Variants in RELN observed in about 807,000 individuals in gnomAD.
RELN encodes the protein reelin.
A neutral mutation model predicts 427.6 loss-of-function variants in RELN; 108 were observed. The observed-to-expected ratio is 0.25, with a 90% CI of 0.22 to 0.30. The LOEUF (loss-of-function observed/expected upper bound fraction) is 0.30. RELN is among the 10% of genes least tolerant of loss of function. RELN has a pLI of 1.00. For missense variants in RELN, 3,715 were observed against 4,302.8 expected (o/e 0.86, Z 3.82); for synonymous variants, 1,524 against 1,513.4 (o/e 1.01, Z -0.16).
intron 22 of RELN, among the ~76,000 whole-genome samples, chr7:103,610,413 T>C (rs565981478): frequency 6.6e-6 from 1 of 152,278 alleles, no homozygotes; most frequent in African/African-American, 2.4e-5. Flanking sequence ...CATTGAGTTC[T>C]CCCATAAAAA....
intron 7 of RELN, among the ~76,000 whole-genome samples, chr7:103,724,390 G>A (rs529229252): frequency 3.5e-3 from 533 of 152,210 alleles, no homozygotes; most frequent in Admixed American, 5.4e-3. Context: ...ATTCAGTTGG[G>A]ATGTGAATAT....
At chr7:103,955,243 A>G (rs1232678551) in intron 1 of RELN, among the ~76,000 whole-genome samples, 1 of 152,244 alleles carries the variant, frequency 6.6e-6, no homozygotes, top group African/African-American at 2.4e-5. Flanking sequence ...CCAATTTAAT[A>G]AACTGAAACC....
At chr7:103,571,460 T>G (rs1484151563) in intron 31 of RELN, among the ~76,000 whole-genome samples, 2 of 152,152 alleles carry the variant, frequency 1.3e-5, no homozygotes, top group Admixed American at 6.5e-5. Flanking sequence ...TGGAGTTCAG[T>G]GCAAGGAGAG....
At chr7:103,956,557 T>G (rs1298226094) in intron 1 of RELN, among the ~76,000 whole-genome samples, 2 of 152,188 alleles carry the variant, frequency 1.3e-5, no homozygotes, top group Non-Finnish European at 2.9e-5. Flanking sequence ...TTTTCAAAAC[T>G]TTTTAATTAG....
intron 3 of RELN, among the ~76,000 whole-genome samples, chr7:103,808,088 G>A (rs2116330663): frequency 6.6e-6 from 1 of 152,228 alleles, no homozygotes; most frequent in South Asian, 2.1e-4. Flanking sequence ...TCAAGAGGTT[G>A]GAAAGTCTGT....
At chr7:103,770,398 C>T (rs262334) in intron 4 of RELN, among the ~76,000 whole-genome samples, 126,739 of 152,234 alleles carry the variant, frequency 0.83, 53,359 homozygotes, top group African/African-American at 0.95. Context: ...CCAAATCTTA[C>T]AATAACAATT....
At chr7:103,713,962 T>C (rs1337825817) in intron 8 of RELN, among the ~76,000 whole-genome samples, 3 of 152,186 alleles carry the variant, frequency 2.0e-5, no homozygotes, top group Admixed American at 1.3e-4. Flanking sequence ...ACCCACGGCA[T>C]CAAAATGATC....
At position 103,565,337 on chromosome 7, in the gene RELN, G is replaced by A. The variant is rs768432621; in HGVS notation, c.5151C>T (p.Tyr1717=). The change falls in exon 34 of 65, where the codon TAC becomes TAT. Residue 1717 remains tyrosine, a synonymous_variant. Coordinates refer to ENST00000428762, the MANE Select transcript of RELN (RefSeq NM_005045.4). ...TCCAATTCTGGAATCTTTCCGAGGT[G>A]TAAATTGAACTTTCCGTGTAATGCA... ...GCLHYTESSI[Y]TSERFQNWKR... 5 of 1,614,128 alleles carry A rather than the reference G, an allele frequency of 3.1e-6. No homozygotes were observed. The South Asian group carries it at 5.5e-5, about 18-fold the overall frequency.
At chr7:103,896,912 A>C (rs1032294824) in intron 2 of RELN, among the ~76,000 whole-genome samples, 1 of 152,116 alleles carries the variant, frequency 6.6e-6, no homozygotes, top group South Asian at 2.1e-4. Flanking sequence ...CTGAGACTGC[A>C]TAACTTTTAA....
In RELN at chr7:103,929,285, T is replaced by C. The variant is rs530071406; in HGVS notation, c.227-12100A>G. Among the ~76,000 whole-genome samples the C allele has an allele frequency of 9.1e-4, 139 of 152,316 alleles. No individual in the cohort carries two copies. In the Middle Eastern group the frequency reaches 0.014, roughly 15 times the overall value. On this transcript the variant is annotated intron_variant, in intron 1 of 64. Transcript: ENST00000428762. ...GAGCTCACTGCCAGTGTCTAGGCCA[T>C]CTCATTACCTCTTTAACCACCTTGA...
chr7:103,602,701 G>C (rs1447816250), intron 24 of RELN, among the ~76,000 whole-genome samples: 1 of 152,040 alleles, frequency 6.6e-6, no homozygotes, highest in African/African-American at 2.4e-5. Flanking sequence ...GACTAGGAGA[G>C]GGATAACATT....
intron 2 of RELN, among the ~76,000 whole-genome samples, chr7:103,912,170 C>G (rs932215850): frequency 4.7e-5 from 7 of 150,132 alleles, no homozygotes; most frequent in Non-Finnish European, 1.0e-4. Flanking sequence ...TCCCCCCCAA[C>G]TTGGATTTAA....
intron 11 of RELN, among the ~76,000 whole-genome samples, chr7:103,678,710 C>T: frequency 6.6e-6 from 1 of 152,102 alleles, no homozygotes; most frequent in East Asian, 1.9e-4. Context: ...ATGATTCTTA[C>T]ATAACAAAAA....
chr7:103,521,099 C>T (rs1271137540), intron 48 of RELN, among the ~76,000 whole-genome samples: 1 of 150,308 alleles, frequency 6.7e-6, no homozygotes, highest in Admixed American at 6.6e-5. Context: ...GCCTCAGCCT[C>T]CCGAGTAGCT....
intron 6 of RELN, among the ~76,000 whole-genome samples, chr7:103,738,568 C>T (rs969931985): frequency 1.2e-4 from 18 of 151,804 alleles, no homozygotes; most frequent in East Asian, 1.9e-4. Context: ...TCTCTGTCCC[C>T]GAAACAACTA....
rs374189538 is a variant in RELN at position 103,682,178 on chromosome 7, T to C, written c.1227A>G (p.Val409=). ...CTTGAATATCTTCTGTGGAAAGATC[T>C]ACATCCCTGGTGGTGGCAAAATTGA... The part of the protein sequence containing the change: ...SEFNFATTRD[V]DLSTEDIQEQ... The change falls in exon 11 of 65, where the codon GTA becomes GTG. Residue 409 remains valine (V), a synonymous_variant. Transcript: ENST00000428762. 4 of 1,614,034 alleles carry C rather than the reference T, an allele frequency of 2.5e-6. No homozygotes were observed. Among genetic ancestry groups the C allele is most frequent in the Middle Eastern group, 1.7e-4 (1 of 6,058 alleles).
At chr7:103,591,518 T>A (rs1243459251) in intron 27 of RELN, among the ~76,000 whole-genome samples, 1 of 152,218 alleles carries the variant, frequency 6.6e-6, no homozygotes, top group African/African-American at 2.4e-5. Context: ...GCACAATTTA[T>A]CCAAGTTTAT....
At chr7:103,757,450 C>T (rs554398913) in intron 4 of RELN, among the ~76,000 whole-genome samples, 6 of 152,276 alleles carry the variant, frequency 3.9e-5, no homozygotes, top group South Asian at 4.1e-4. Flanking sequence ...CCCACCCCAC[C>T]TTGCATCTTG....
At chr7:103,760,668 G>T (rs1370205125) in intron 4 of RELN, among the ~76,000 whole-genome samples, 4 of 152,164 alleles carry the variant, frequency 2.6e-5, no homozygotes, top group East Asian at 1.9e-4. Context: ...AGAATTATAT[G>T]TAGGTGGCAA....
Sources: allele counts gnomAD v4.1 joint callset (sites outside exome capture counted in the v4.1 genomes callset), GRCh38; gene constraint gnomAD v4.1.1; transcripts MANE v1.5; gene names NCBI Gene and HGNC (gene_info 2026-07-23, HGNC 2026-07-21).